Variants in ERG observed in about 807,000 individuals in gnomAD.
ERG encodes the protein transcriptional regulator ERG.
In ERG, 9 loss-of-function variants were observed where a neutral mutation model predicts 55.3. That is an observed-to-expected ratio of 0.16 (90% CI 0.10 to 0.28). The LOEUF (loss-of-function observed/expected upper bound fraction) is 0.28. Ranked by LOEUF, ERG falls within the 10% of genes least tolerant of loss-of-function variation. The pLI, the probability that ERG is intolerant of heterozygous loss-of-function variation, is 1.00. For synonymous variants in ERG, 223 were observed against 237.3 expected, an observed-to-expected ratio of 0.94 and a Z score of 0.55; for missense variants, 434 against 631.6, an observed-to-expected ratio of 0.69 and a Z score of 3.35.
intron 2 of ERG, among the ~76,000 whole-genome samples, chr21:38,544,722 G>A (rs916433450): frequency 6.6e-5 from 10 of 151,880 alleles, no homozygotes; most frequent in African/African-American, 2.4e-4. Context: ...AACTGATGAG[G>A]GAAAAAAAAT....
intron 2 of ERG, among the ~76,000 whole-genome samples, chr21:38,432,003 A>G (rs1990236069): frequency 6.6e-6 from 1 of 152,232 alleles, no homozygotes; most frequent in African/African-American, 2.4e-5. Context: ...AAACATGAAA[A>G]AAACGTGTAA....
At position 38,382,925 on chromosome 21, in the gene ERG, G is replaced by A. The variant is rs892896943; in HGVS notation, c.*478C>T. The A allele has an allele frequency of 1.1e-5, 12 of 1,066,326 alleles. No individual in the cohort carries two copies. The highest frequency in any genetic ancestry group is 5.3e-5 in the Admixed American group (1 of 18,764). 66.1% of individuals were successfully genotyped at this position (1,066,326 alleles called of 1,614,324 possible). A position where few individuals can be genotyped will look rare whatever the true frequency, so the allele number is the denominator to read the frequency against. On this transcript the variant is annotated 3_prime_UTR_variant, in exon 10 of 10. Transcript: ENST00000288319. ...CTGTTGATGGGCCACAGTCTCTCTC[G>A]TGTCTTTTCTCTTGTTTTTGATATG...
chr21:38,490,900 C>T lies in ERG; in HGVS notation c.18+7463G>A, dbSNP rs189459088. 2.4e-3 allele frequency among the ~76,000 whole-genome samples: 364 copies of T among 152,214 alleles called. 3 individuals are homozygous for T. The highest frequency in any genetic ancestry group is 8.4e-3 in the African/African-American group (349 of 41,530). ...CACAGAGGCTATTTTAAGGATGCCA[C>T]GAAGAAATACAGAGTACCAAGTGCC... On this transcript the variant is annotated intron_variant, in intron 1 of 9. Coordinates refer to ENST00000288319, the MANE Select transcript of ERG (RefSeq NM_182918.4).
At chr21:38,385,448 T>C (rs1189994477) in intron 9 of ERG, among the ~76,000 whole-genome samples, 1 of 152,216 alleles carries the variant, frequency 6.6e-6, no homozygotes, top group Non-Finnish European at 1.5e-5. Context: ...TAAAAATCAA[T>C]TTTACGTTCA....
chr21:38,576,881 T>C (rs936009142), intron 1 of ERG, among the ~76,000 whole-genome samples: 3 of 152,140 alleles, frequency 2.0e-5, no homozygotes, highest in Non-Finnish European at 2.9e-5. Context: ...TCTCCCGTCA[T>C]GGGGCCCCTC....
chr21:38,385,463 C>T (rs1987649962), intron 9 of ERG, among the ~76,000 whole-genome samples: 1 of 152,178 alleles, frequency 6.6e-6, no homozygotes, highest in African/African-American at 2.4e-5. Context: ...CGTTCATTTT[C>T]TTCTAAATCC....
At chr21:38,515,727 A>T (rs1046745423) in intron 2 of ERG, among the ~76,000 whole-genome samples, 4 of 152,028 alleles carry the variant, frequency 2.6e-5, no homozygotes, top group African/African-American at 9.7e-5. Context: ...GTTCAGCAAA[A>T]GCTATCAACA....
At chr21:38,425,320 G>A (rs757140341) in intron 2 of ERG, among the ~76,000 whole-genome samples, 12 of 152,070 alleles carry the variant, frequency 7.9e-5, no homozygotes, top group Non-Finnish European at 1.6e-4. Flanking sequence ...GGGAGGTTGA[G>A]GTCGTGGTGA....
chr21:38,539,634 T>C (rs1037970425), intron 2 of ERG, among the ~76,000 whole-genome samples: 5 of 152,192 alleles, frequency 3.3e-5, no homozygotes, highest in Admixed American at 2.0e-4. Flanking sequence ...GTTGTATTTT[T>C]TAAGAGGTCA....
chr21:38,472,810 C>A (rs934021039), intron 1 of ERG, among the ~76,000 whole-genome samples: 1 of 152,240 alleles, frequency 6.6e-6, no homozygotes, highest in Non-Finnish European at 1.5e-5. Context: ...GTGGGCAATT[C>A]GTGCGCTTGG....
chr21:38,400,071 A>C (rs1198629879), intron 6 of ERG: 1 of 308,210 alleles, frequency 3.2e-6, no homozygotes, highest in African/African-American at 2.1e-5. Context: ...ATAGATGTTT[A>C]TTTTTGCATG....
intron 1 of ERG, among the ~76,000 whole-genome samples, chr21:38,620,684 T>C (rs1221176735): frequency 2.6e-5 from 4 of 152,324 alleles, no homozygotes; most frequent in Admixed American, 1.3e-4. Context: ...GAAAGAAAGA[T>C]GCAGGCCTAA....
intron 1 of ERG, chr21:38,471,150 T>C (rs1057104994): frequency 2.1e-4 from 32 of 152,176 alleles, no homozygotes; most frequent in Admixed American, 1.2e-3. Context: ...GTGATAAAAA[T>C]AGATAAACAG....
intron 3 of ERG, among the ~76,000 whole-genome samples, chr21:38,407,363 A>G (rs1335324549): frequency 4.6e-5 from 7 of 152,134 alleles, no homozygotes; most frequent in African/African-American, 1.4e-4. Flanking sequence ...TTCAAAGTAG[A>G]TTGCATTTTA....
intron 3 of ERG, among the ~76,000 whole-genome samples, chr21:38,410,573 G>C (rs954335197): frequency 6.6e-6 from 1 of 152,198 alleles, no homozygotes; most frequent in Admixed American, 6.5e-5. Context: ...GGGAGTGGGG[G>C]TATAAGCAGT....
At chr21:38,573,327 A>G (rs912635392) in intron 2 of ERG, among the ~76,000 whole-genome samples, 18 of 152,220 alleles carry the variant, frequency 1.2e-4, no homozygotes, top group Non-Finnish European at 5.9e-5. Flanking sequence ...GAGGTGGATT[A>G]GTAAAAGAGG....
intron 1 of ERG, among the ~76,000 whole-genome samples, chr21:38,637,505 G>A (rs2060396992): frequency 6.6e-6 from 1 of 152,112 alleles, no homozygotes; most frequent in Admixed American, 6.5e-5. Context: ...TAACATTTCT[G>A]AGCTTCCATT....
At chr21:38,594,829 G>A (rs997165469) in intron 1 of ERG, among the ~76,000 whole-genome samples, 8 of 152,190 alleles carry the variant, frequency 5.3e-5, no homozygotes, top group Admixed American at 2.0e-4. Flanking sequence ...GCTACTTTAC[G>A]TGAGGAGTCA....
At chr21:38,579,277 T>C (rs1397421194) in intron 1 of ERG, among the ~76,000 whole-genome samples, 1 of 152,182 alleles carries the variant, frequency 6.6e-6, no homozygotes, top group East Asian at 1.9e-4. Context: ...TGTTTGAGTC[T>C]CTTGTTTCTT....
Sources: allele counts gnomAD v4.1 joint callset (sites outside exome capture counted in the v4.1 genomes callset), GRCh38; gene constraint gnomAD v4.1.1; transcripts MANE v1.5; gene names NCBI Gene and HGNC (gene_info 2026-07-23, HGNC 2026-07-21).